DCAF1: variants seen among roughly 807,000 people sequenced by gnomAD.
DCAF1 encodes DDB1- and CUL4-associated factor 1.
In DCAF1, 15 loss-of-function variants were observed where a neutral mutation model predicts 128.0. The ratio of observed to expected loss-of-function variants is 0.12; its 90% confidence interval spans 0.08 to 0.18. The LOEUF is 0.18. DCAF1 is among the 10% of genes least tolerant of loss of function. The probability of loss-of-function intolerance (pLI) is 1.00; values close to 1 mark genes in which losing one functional copy is unlikely to be tolerated. For missense variants in DCAF1, 988 were observed against 1,649.5 expected (o/e 0.60, Z 6.95); for synonymous variants, 610 against 603.0 (o/e 1.01, Z -0.17).
chr3:51,443,537 C>G (rs1701564811), intron 7 of DCAF1, among the ~76,000 whole-genome samples: 1 of 151,658 alleles, frequency 6.6e-6, no homozygotes, highest in Non-Finnish European at 1.5e-5. Context: ...TTGCAATGAG[C>G]CAAGATTGCA....
intron 9 of DCAF1, chr3:51,437,940 AC>A (rs1428204694): frequency 4.7e-6 from 1 of 211,500 alleles, no homozygotes; most frequent in African/African-American, 2.4e-5. Flanking sequence ...AATCCTGGAA[AC>A]CCAAACAAAA....
At chr3:51,486,517 A>C (rs965002859) in intron 2 of DCAF1, among the ~76,000 whole-genome samples, 3 of 151,922 alleles carry the variant, frequency 2.0e-5, no homozygotes, top group Non-Finnish European at 4.4e-5. Flanking sequence ...TTCTAACCAA[A>C]GCCACAAAAA....
chr3:51,474,690 A>C (rs995134711), intron 3 of DCAF1, among the ~76,000 whole-genome samples: 1 of 149,214 alleles, frequency 6.7e-6, no homozygotes, highest in Non-Finnish European at 1.5e-5. Flanking sequence ...GCACAATCGT[A>C]CCTCACTGCA....
chr3:51,485,980 C>T (rs1201970020), intron 2 of DCAF1, among the ~76,000 whole-genome samples: 4 of 151,288 alleles, frequency 2.6e-5, no homozygotes, highest in Non-Finnish European at 5.9e-5. Context: ...TAACGTCTAC[C>T]TGCTGGGTTC....
In DCAF1 at chr3:51,416,841, C is replaced by T; in HGVS notation, c.3549G>A (p.Glu1183=). ...KHSFTEDHYV[E]FSKHSQDRVI... ...CCCGATCCTGGGAGTGCTTACTGAA[C>T]TCAACATAGTGATCTTCTGTGAAGG... Residue 1183 remains glutamate (E), a synonymous_variant, in exon 18 of 25, where the codon GAG becomes GAA. Coordinates refer to ENST00000684031, the MANE Select transcript of DCAF1 (RefSeq NM_001387579.1). 6.2e-7 allele frequency: 1 copy of T among 1,611,262 alleles called. No homozygotes were observed. Among genetic ancestry groups the T allele is most frequent in the Non-Finnish European group, 8.5e-7 (1 of 1,178,656 alleles).
At chr3:51,421,160 T>A (rs1391519226) in intron 14 of DCAF1, among the ~76,000 whole-genome samples, 163 bp from the exon 15 acceptor site, 1 of 152,198 alleles carries the variant, frequency 6.6e-6, no homozygotes, top group Non-Finnish European at 1.5e-5. Context: ...ACAGTTCTAC[T>A]ACAATGTATT....
chr3:51,496,626 TAC>T, intron 2 of DCAF1, among the ~76,000 whole-genome samples, 106 bp downstream of exon 2: 1 of 151,952 alleles, frequency 6.6e-6, no homozygotes, highest in African/African-American at 2.4e-5. Context: ...ACAACCATCC[TAC>T]CCTTTTTCAC....
At chr3:51,470,800 G>A (rs901961256) in intron 4 of DCAF1, 129 bp downstream of exon 4, 12 of 516,212 alleles carry the variant, frequency 2.3e-5, no homozygotes, top group African/African-American at 3.8e-5. Flanking sequence ...CACAAAAGAC[G>A]CTATTTCAAT....
At chr3:51,416,345 T>A (rs373967481) in intron 18 of DCAF1, among the ~76,000 whole-genome samples, 2 of 152,152 alleles carry the variant, frequency 1.3e-5, no homozygotes, top group Admixed American at 6.6e-5. Context: ...AAGGCTCTGC[T>A]TAAACATTAC....
chr3:51,416,678 CT>C (rs1273598995), intron 18 of DCAF1, 108 bp downstream of exon 18: 48 of 1,450,268 alleles, frequency 3.3e-5, no homozygotes, highest in Non-Finnish European at 4.3e-5. Flanking sequence ...AGGAATATCA[CT>C]GATTTCTAGT....
intron 2 of DCAF1, among the ~76,000 whole-genome samples, chr3:51,489,262 C>T (rs1261374753): frequency 6.6e-6 from 1 of 151,696 alleles, no homozygotes; most frequent in Non-Finnish European, 1.5e-5. Flanking sequence ...GGTGAAATCT[C>T]GTCTCCAGTA....
At chr3:51,478,559 TAC>T (rs869054062) in intron 3 of DCAF1, among the ~76,000 whole-genome samples, 1 of 150,500 alleles carries the variant, frequency 6.6e-6, no homozygotes, top group East Asian at 2.2e-4. Flanking sequence ...ACATCAATTA[TAC>T]ACATGTTAAC....
intron 2 of DCAF1, among the ~76,000 whole-genome samples, chr3:51,492,863 A>G (rs547072964): frequency 4.1e-4 from 62 of 151,972 alleles, no homozygotes; most frequent in Middle Eastern, 3.4e-3. Context: ...GCGTGGTGGC[A>G]GGCACCAGTA....
intron 2 of DCAF1, 125 bp from the exon 3 acceptor site, chr3:51,483,961 T>C (rs1706594182): frequency 1.5e-6 from 1 of 661,628 alleles, no homozygotes; most frequent in Admixed American, 2.8e-5. Context: ...ATTTAACCCC[T>C]TGAACCCTTT....
chr3:51,467,801 A>G lies in DCAF1; in HGVS notation c.188-925T>C, dbSNP rs116827023. Among the ~76,000 whole-genome samples the G allele has an allele frequency of 6.1e-3, 924 of 152,304 alleles. 17 individuals are homozygous for G. Among genetic ancestry groups the G allele is most frequent in the African/African-American group, 0.021 (860 of 41,554 alleles). On this transcript the variant is annotated intron_variant, in intron 4 of 24. Coordinates refer to ENST00000684031, the MANE Select transcript of DCAF1 (RefSeq NM_001387579.1). ...CACTAGATCCAGATGAGCATCACCAAGAGTATACAAGGTCTACAAAAGAAT... is the reference window on the plus strand; with the variant it reads ...CACTAGATCCAGATGAGCATCACCAGGAGTATACAAGGTCTACAAAAGAAT...
Position 51,422,401 on chromosome 3 carries a change from G to A in DCAF1, c.1878C>T (p.Val626=), listed in dbSNP as rs1699483506. ...TTGGCACCACAGTAAGAATAGCCAGGACATCCAAAGCAAAGCGCACAGTGT... is the reference window on the plus strand; with the variant it reads ...TTGGCACCACAGTAAGAATAGCCAGAACATCCAAAGCAAAGCGCACAGTGT... ...RNDTVRFALD[V]LAILTVVPKI... is the part of the protein sequence containing the mutation. Residue 626 remains valine, a synonymous_variant, in exon 14 of 25, where the codon GTC becomes GTT. Coordinates refer to ENST00000684031, the MANE Select transcript of DCAF1 (RefSeq NM_001387579.1). The A allele has an allele frequency of 4.1e-6, 3 of 731,654 alleles. No homozygotes were observed. The allele number at this position is 731,654 out of a possible 1,614,324, so 45.3% of individuals were successfully genotyped here. A position where few individuals can be genotyped will look rare whatever the true frequency, so the allele number is the denominator to read the frequency against.
At chr3:51,444,976 C>G (rs1701720234) in intron 6 of DCAF1, among the ~76,000 whole-genome samples, 1 of 151,996 alleles carries the variant, frequency 6.6e-6, no homozygotes, top group Admixed American at 6.6e-5. Context: ...TGCCCGGCCC[C>G]CAAACTTATT....
At chr3:51,488,779 G>A (rs1707276213) in intron 2 of DCAF1, among the ~76,000 whole-genome samples, 1 of 152,024 alleles carries the variant, frequency 6.6e-6, no homozygotes, top group Non-Finnish European at 1.5e-5. Flanking sequence ...CTCCAGCCTA[G>A]GTGACAGAGC....
chr3:51,504,115 G>A (rs1310513800), upstream of DCAF1, among the ~76,000 whole-genome samples: 2 of 147,744 alleles, frequency 1.4e-5, no homozygotes, highest in East Asian at 2.0e-4. Context: ...TCAGCTCACC[G>A]CAAGCTCCGC....
Sources: gnomAD v4.1 joint callset for allele counts (sites outside exome capture counted in the v4.1 genomes callset) on GRCh38, gnomAD v4.1.1 for gene constraint, MANE v1.5 for transcripts, NCBI Gene and HGNC (gene_info 2026-07-23, HGNC 2026-07-21) for gene names.